Variants in IFI27L1 observed in about 807,000 individuals in gnomAD.
IFI27L1 encodes the protein interferon alpha inducible protein 27 like 1.
A neutral mutation model predicts 9.2 loss-of-function variants in IFI27L1; 3 were observed. The ratio of observed to expected loss-of-function variants is 0.32; its 90% confidence interval spans 0.15 to 0.84. The LOEUF (loss-of-function observed/expected upper bound fraction) is 0.84, where lower values mean the gene tolerates loss of function less well. IFI27L1 is among the 40% of genes least tolerant of loss of function. The pLI is 0.56. For synonymous variants in IFI27L1, 53 were observed against 50.0 expected (o/e 1.06, Z -0.26); for missense variants, 133 against 134.2 (o/e 0.99, Z 0.05).
chr14:94,086,881 A>G (rs1886298060), intron 1 of IFI27L1, among the ~76,000 whole-genome samples: 1 of 152,202 alleles, frequency 6.6e-6, no homozygotes, highest in South Asian at 2.1e-4. Context: ...ATAGGAGTAT[A>G]AAATTTTATT....
chr14:94,101,063 G>A (rs757646886), intron 3 of IFI27L1: 22 of 575,302 alleles, frequency 3.8e-5, no homozygotes, highest in African/African-American at 1.7e-4. Context: ...ATTCCTCCCC[G>A]TCTAAAGCAG....
intron 4 of IFI27L1, 97 bp downstream of exon 4, chr14:94,102,072 C>T: frequency 7.6e-7 from 1 of 1,308,080 alleles, no homozygotes; most frequent in Non-Finnish European, 1.1e-6. Flanking sequence ...CCGTGATCCT[C>T]TGCCTCTTGG....
chr14:94,092,504 C>G (rs1886516704), intron 1 of IFI27L1, among the ~76,000 whole-genome samples: 1 of 152,096 alleles, frequency 6.6e-6, no homozygotes, highest in Non-Finnish European at 1.5e-5. Flanking sequence ...GAGCGAGACT[C>G]CATCTCAAAA....
At chr14:94,098,370 T>G (rs1886753732) in intron 2 of IFI27L1, among the ~76,000 whole-genome samples, 1 of 152,144 alleles carries the variant, frequency 6.6e-6, no homozygotes, top group Non-Finnish European at 1.5e-5. Context: ...TCACGTGGGC[T>G]TCTCCCTGTG....
intron 1 of IFI27L1, among the ~76,000 whole-genome samples, chr14:94,081,770 T>A (rs1308222210): frequency 6.6e-6 from 1 of 152,210 alleles, no homozygotes; most frequent in Non-Finnish European, 1.5e-5. Context: ...CCATATAAGA[T>A]ACAAACGTAA....
At chr14:94,082,968 A>G (rs1886161134) in intron 1 of IFI27L1, among the ~76,000 whole-genome samples, 1 of 152,256 alleles carries the variant, frequency 6.6e-6, no homozygotes, top group African/African-American at 2.4e-5. Flanking sequence ...TGGCTGCCAT[A>G]GAGAGTTATT....
In IFI27L1 at chr14:94,101,740, G is replaced by A. The variant is rs925832664; in HGVS notation, c.62-74G>A. The A allele has an allele frequency of 4.7e-6, 7 of 1,488,018 alleles. 1 individual carries two copies. Among genetic ancestry groups the A allele is most frequent in the Admixed American group, 1.7e-5 (1 of 58,478 alleles). The allele number at this position is 1,488,018 out of a possible 1,614,324, so 92.2% of individuals were successfully genotyped here. ...GCACAGCAGACCCCTCCTCCTCATC[G>A]CCCCAGGAGGATGTCAGGGAAGTCT... On this transcript the variant is annotated intron_variant, in intron 3 of 4. Transcript: ENST00000555523.
intron 1 of IFI27L1, among the ~76,000 whole-genome samples, chr14:94,092,607 C>T (rs1886521056): frequency 1.3e-5 from 2 of 152,318 alleles, no homozygotes; most frequent in Admixed American, 1.3e-4. Context: ...TTTTATAACC[C>T]TTTACAAATT....
At chr14:94,101,451 T>C (rs374614542) in intron 3 of IFI27L1, 1 of 296,578 alleles carries the variant, frequency 3.4e-6, no homozygotes, top group African/African-American at 2.2e-5. Flanking sequence ...AGCTCTGATA[T>C]TGTCTTCTGT....
chr14:94,088,536 G>A (rs1886362163), intron 1 of IFI27L1, among the ~76,000 whole-genome samples: 1 of 133,374 alleles, frequency 7.5e-6, no homozygotes, highest in Non-Finnish European at 1.6e-5. Context: ...GTCTTGCTCT[G>A]TCGCCCAGGT....
chr14:94,098,342 C>T (rs914966990), intron 2 of IFI27L1, among the ~76,000 whole-genome samples: 1 of 152,144 alleles, frequency 6.6e-6, no homozygotes, highest in Admixed American at 6.5e-5. Context: ...TGCATCACTC[C>T]CATCTCCATC....
chr14:94,096,266 AC>A (rs1312165409), intron 1 of IFI27L1, among the ~76,000 whole-genome samples: 1 of 152,192 alleles, frequency 6.6e-6, no homozygotes, highest in Non-Finnish European at 1.5e-5. Flanking sequence ...AAACACCATG[AC>A]TTTTCCCTGT....
intron 1 of IFI27L1, 56 bp from the exon 2 acceptor site, chr14:94,096,831 A>G (rs1261944745): frequency 5.3e-6 from 5 of 937,772 alleles, no homozygotes; most frequent in Non-Finnish European, 8.5e-6. Flanking sequence ...AGAGTTCTTT[A>G]TTAATGCAGC....
chr14:94,082,779 C>G (rs377360402), intron 1 of IFI27L1, among the ~76,000 whole-genome samples: 8 of 152,352 alleles, frequency 5.3e-5, no homozygotes, highest in African/African-American at 1.4e-4. Flanking sequence ...AAGGATTTCT[C>G]TCAAAGTATT....
At chr14:94,093,143 A>G (rs73351231) in intron 1 of IFI27L1, among the ~76,000 whole-genome samples, 3,489 of 151,498 alleles carry the variant, frequency 0.023, 133 homozygotes, top group African/African-American at 0.08. Context: ...CCTTTTCATC[A>G]AAATTTTTGA....
At chr14:94,087,054 GT>G (rs1886304633) in intron 1 of IFI27L1, among the ~76,000 whole-genome samples, 1 of 152,048 alleles carries the variant, frequency 6.6e-6, no homozygotes, top group Non-Finnish European at 1.5e-5. Context: ...GAAGACAAAG[GT>G]TTTTAAAGGA....
chr14:94,102,625 C>G lies in IFI27L1; in HGVS notation c.*57C>G, dbSNP rs1017713294. The G allele has an allele frequency of 1.0e-6, 1 of 980,452 alleles. No homozygotes were observed. Among genetic ancestry groups the G allele is most frequent in the Admixed American group, 2.6e-5 (1 of 39,154 alleles). The allele number at this position is 980,452 out of a possible 1,614,324, so 60.7% of individuals were successfully genotyped here. A position where few individuals can be genotyped will look rare whatever the true frequency, so the allele number is the denominator to read the frequency against. ...TGGTGGAGATGACTTTCCTGGGCCT[C>G]TGGATGACAATCTTCCAAAGGACAA... is the stretch of plus-strand genomic sequence containing the variant. On this transcript the variant is annotated 3_prime_UTR_variant, in exon 5 of 5. Coordinates refer to ENST00000555523, the MANE Select transcript of IFI27L1 (RefSeq NM_206949.3).
At chr14:94,098,561 T>A (rs1031580320) in intron 2 of IFI27L1, among the ~76,000 whole-genome samples, 1 of 152,154 alleles carries the variant, frequency 6.6e-6, no homozygotes, top group African/African-American at 2.4e-5. Context: ...TTTCGGGTGA[T>A]GCAATTCAAC....
At chr14:94,098,503 A>G (rs1886760341) in intron 2 of IFI27L1, among the ~76,000 whole-genome samples, 6 of 152,226 alleles carry the variant, frequency 3.9e-5, no homozygotes, top group Admixed American at 3.9e-4. Context: ...CCTGTTTCCA[A>G]TTAAGGTCAC....
Sources: gnomAD v4.1 joint callset for allele counts (sites outside exome capture counted in the v4.1 genomes callset) on GRCh38, gnomAD v4.1.1 for gene constraint, MANE v1.5 for transcripts, NCBI Gene and HGNC (gene_info 2026-07-23, HGNC 2026-07-21) for gene names.